RBMS3: variants seen among roughly 807,000 people sequenced by gnomAD.
RBMS3 encodes the protein RNA binding motif single stranded interacting protein 3.
Under a neutral mutation model 66.8 loss-of-function variants are expected in RBMS3, and 27 were observed. The ratio of observed to expected loss-of-function variants is 0.40; its 90% CI spans 0.30 to 0.56. The LOEUF is 0.56. RBMS3 is among the 20% of genes least tolerant of loss of function. The pLI is 0.40. For missense variants in RBMS3, 513 were observed against 549.5 expected (o/e 0.93, Z 0.66); for synonymous variants, 188 against 183.0 (o/e 1.03, Z -0.22).
rs2041763031 is a variant in RBMS3 at position 29,444,798 on chromosome 3, T to C, written c.248+9883T>C. Among the ~76,000 whole-genome samples, 2 of 132,508 alleles carry C rather than the reference T, an allele frequency of 1.5e-5. 1 individual carries two copies. The highest frequency in any genetic ancestry group is 5.7e-5 in the African/African-American group (2 of 35,282). 86.9% of individuals were successfully genotyped at this position (132,508 alleles called of 152,430 possible). A position where few individuals can be genotyped will look rare whatever the true frequency, so the allele number is the denominator to read the frequency against. Reference sequence around the variant, plus strand: ...AGCGGAAATATATGCCTTTTTTTTTTTTTTTTTTTTTTTTGCTCCATCTAT... The same window carrying C: ...AGCGGAAATATATGCCTTTTTTTTTCTTTTTTTTTTTTTTGCTCCATCTAT... On this transcript the variant is annotated intron_variant, in intron 2 of 14. Transcript: ENST00000383767.
intron 1 of RBMS3, among the ~76,000 whole-genome samples, chr3:29,349,803 C>T (rs1180759771): frequency 6.6e-6 from 1 of 152,152 alleles, no homozygotes; most frequent in African/African-American, 2.4e-5. Flanking sequence ...CGATAGCCTT[C>T]AGAACTAATT....
At chr3:29,983,132 T>C (rs1368379502) in intron 12 of RBMS3, among the ~76,000 whole-genome samples, 1 of 152,212 alleles carries the variant, frequency 6.6e-6, no homozygotes, top group East Asian at 1.9e-4. Flanking sequence ...TAGCTCTTCT[T>C]GTTGTATTGA....
At chr3:29,324,144 A>G (rs944564941) in intron 1 of RBMS3, among the ~76,000 whole-genome samples, 3 of 152,176 alleles carry the variant, frequency 2.0e-5, no homozygotes, top group African/African-American at 7.2e-5. Flanking sequence ...TTACTGTGCA[A>G]TGAACTTAAA....
intron 3 of RBMS3, among the ~76,000 whole-genome samples, chr3:29,492,028 G>A (rs1200837793): frequency 1.3e-5 from 2 of 151,830 alleles, no homozygotes; most frequent in African/African-American, 2.4e-5. Context: ...CATTTAGACC[G>A]TTTGCCCTGA....
chr3:29,844,619 G>T (rs1313291718), intron 6 of RBMS3, among the ~76,000 whole-genome samples: 1 of 152,142 alleles, frequency 6.6e-6, no homozygotes, highest in Non-Finnish European at 1.5e-5. Context: ...CCATTAATGG[G>T]ACTGAACACA....
In RBMS3 at chr3:29,453,076, G is replaced by C. The variant is rs565218626; in HGVS notation, c.248+18161G>C. 2.6e-5 allele frequency among the ~76,000 whole-genome samples: 4 copies of C among 152,292 alleles called. 1 individual carries two copies. In the South Asian group the frequency reaches 8.3e-4, roughly 32 times the overall value. On this transcript the variant is annotated intron_variant, in intron 2 of 14. Coordinates refer to ENST00000383767, the MANE Select transcript of RBMS3 (RefSeq NM_001003793.3). Reference sequence around the variant, plus strand: ...CATATTCACAGAGTTTACACTGAAAGCTCTTTGAATCCCCGCTGCTTCCCT... The same window carrying C: ...CATATTCACAGAGTTTACACTGAAACCTCTTTGAATCCCCGCTGCTTCCCT...
chr3:29,858,757 T>C (rs2059141189), intron 6 of RBMS3, among the ~76,000 whole-genome samples: 1 of 152,262 alleles, frequency 6.6e-6, no homozygotes, highest in African/African-American at 2.4e-5. Context: ...TTGTTCCTTT[T>C]AGAACCATCT....
intron 2 of RBMS3, among the ~76,000 whole-genome samples, chr3:29,484,481 A>G (rs916620060): frequency 2.6e-5 from 4 of 152,096 alleles, no homozygotes; most frequent in African/African-American, 9.7e-5. Flanking sequence ...CTATCGTATA[A>G]CCTTATTTTA....
chr3:29,949,973 G>A (rs1049673671), intron 12 of RBMS3, among the ~76,000 whole-genome samples: 2 of 151,694 alleles, frequency 1.3e-5, no homozygotes, highest in Non-Finnish European at 1.5e-5. Flanking sequence ...CACCTGCAGC[G>A]GTTTCTGTTA....
intron 4 of RBMS3, among the ~76,000 whole-genome samples, chr3:29,625,445 G>C (rs2049024103): frequency 6.6e-6 from 1 of 152,094 alleles, no homozygotes; most frequent in Non-Finnish European, 1.5e-5. Context: ...TGTAATCCCA[G>C]AACTTTGGGA....
At chr3:29,684,705 T>C (rs1303302555) in intron 4 of RBMS3, among the ~76,000 whole-genome samples, 1 of 151,984 alleles carries the variant, frequency 6.6e-6, no homozygotes, top group Non-Finnish European at 1.5e-5. Flanking sequence ...CAGAAACCAA[T>C]TTTTTAACAT....
At chr3:29,387,117 C>T (rs2039044933) in intron 1 of RBMS3, among the ~76,000 whole-genome samples, 1 of 152,162 alleles carries the variant, frequency 6.6e-6, no homozygotes, top group Non-Finnish European at 1.5e-5. Flanking sequence ...TTTATCTTCA[C>T]TCATTTCTTT....
intron 8 of RBMS3, among the ~76,000 whole-genome samples, chr3:29,896,621 A>C (rs920094913): frequency 1.3e-5 from 2 of 151,580 alleles, no homozygotes; most frequent in African/African-American, 4.8e-5. Flanking sequence ...TCTACAGTAT[A>C]GTCTGAGCAG....
intron 6 of RBMS3, among the ~76,000 whole-genome samples, chr3:29,778,394 G>A (rs1167794750): frequency 6.7e-6 from 1 of 148,268 alleles, no homozygotes; most frequent in Non-Finnish European, 1.5e-5. Context: ...GCCAGGAAAT[G>A]TTTCTGATCC....
At chr3:29,436,824 T>C (rs2041422010) in intron 2 of RBMS3, among the ~76,000 whole-genome samples, 1 of 152,218 alleles carries the variant, frequency 6.6e-6, no homozygotes, top group South Asian at 2.1e-4. Context: ...AATATGTATT[T>C]CAAACAGGAT....
chr3:29,642,635 G>T (rs530624359), intron 4 of RBMS3: 1 of 152,076 alleles, frequency 6.6e-6, no homozygotes, highest in African/African-American at 2.4e-5. Context: ...TGGGAACTTG[G>T]TAAGAACCTG....
chr3:29,454,836 A>G (rs1034638716), intron 2 of RBMS3, among the ~76,000 whole-genome samples: 1 of 152,246 alleles, frequency 6.6e-6, no homozygotes, highest in Non-Finnish European at 1.5e-5. Context: ...GGTCACAGAC[A>G]AAGCAGAGTC....
chr3:29,979,147 G>T (rs1283085501), intron 12 of RBMS3, among the ~76,000 whole-genome samples: 1 of 151,476 alleles, frequency 6.6e-6, no homozygotes, highest in African/African-American at 2.4e-5. Flanking sequence ...AAAAAGAAAC[G>T]AGAAGGAAAG....
chr3:29,281,926 A>T (rs1194746167), intron 1 of RBMS3, among the ~76,000 whole-genome samples, 170 bp downstream of exon 1: 2 of 152,152 alleles, frequency 1.3e-5, no homozygotes, highest in Non-Finnish European at 2.9e-5. Flanking sequence ...AAGACATAAG[A>T]AGAAAGCAGC....
Sources: allele counts gnomAD v4.1 joint callset (sites outside exome capture counted in the v4.1 genomes callset), GRCh38; gene constraint gnomAD v4.1.1; transcripts MANE v1.5; gene names NCBI Gene and HGNC (gene_info 2026-07-23, HGNC 2026-07-21).